ZNF727: variants seen among roughly 807,000 people sequenced by gnomAD.
The protein encoded by ZNF727 is zinc finger protein 727.
ZNF727 carries 11 observed loss-of-function variants against 11.5 expected under a neutral mutation model. The observed-to-expected ratio is 0.95, with a 90% CI of 0.60 to 1.58. The LOEUF is 1.58. ZNF727 is among the 40% of genes most tolerant of loss of function. The pLI, the probability that ZNF727 is intolerant of heterozygous loss-of-function variation, is 0.00. For missense variants in ZNF727, 533 were observed against 581.7 expected, an observed-to-expected ratio of 0.92 and a Z score of 0.86; for synonymous variants, 171 against 196.1, an observed-to-expected ratio of 0.87 and a Z score of 1.07.
At chr7:64,055,423 A>AAAAAAAG (rs1789668352) in intron 1 of ZNF727, among the ~76,000 whole-genome samples, 1 of 151,766 alleles carries the variant, frequency 6.6e-6, no homozygotes, top group African/African-American at 2.4e-5. Flanking sequence ...TCTCAAAAAA[A>AAAAAAAG]AAAAGTGTAC....
At chr7:64,049,895 A>C (rs1340760077) in intron 1 of ZNF727, among the ~76,000 whole-genome samples, 1 of 151,564 alleles carries the variant, frequency 6.6e-6, no homozygotes, top group Non-Finnish European at 1.5e-5. Flanking sequence ...TGTAAGTTTT[A>C]AGCTTTTGTC....
intron 1 of ZNF727, among the ~76,000 whole-genome samples, chr7:64,048,907 G>A (rs1199866713): frequency 1.3e-5 from 2 of 152,102 alleles, no homozygotes; most frequent in Non-Finnish European, 2.9e-5. Flanking sequence ...AAACAGATTG[G>A]TGGCCAAGCC....
chr7:64,060,793 G>T (rs1452671042), intron 1 of ZNF727, among the ~76,000 whole-genome samples: 1 of 150,638 alleles, frequency 6.6e-6, no homozygotes, highest in Non-Finnish European at 1.5e-5. Context: ...TTTATTTGGA[G>T]TTTTTTTTTA....
chr7:64,050,776 ATG>A (rs10609208), intron 1 of ZNF727, among the ~76,000 whole-genome samples: 6,644 of 148,292 alleles, frequency 0.045, 219 homozygotes, highest in African/African-American at 0.092. Flanking sequence ...ATGCATATGT[ATG>A]TGTGTGTGTG....
chr7:64,075,989 G>A, intron 3 of ZNF727, among the ~76,000 whole-genome samples: 1 of 150,718 alleles, frequency 6.6e-6, no homozygotes, highest in South Asian at 2.1e-4. Flanking sequence ...AGTACACTAT[G>A]TTGATTCAAT....
chr7:64,062,685 A>AATATATACATATATATATATATATAT (rs1789790237), intron 1 of ZNF727, among the ~76,000 whole-genome samples: 1 of 89,980 alleles, frequency 1.1e-5, no homozygotes, highest in Non-Finnish European at 2.4e-5. Context: ...CTTGTACTTG[A>AATATATACATATATATATATATATAT]ATATATATAT....
chr7:64,047,521 A>G (rs1223013584), intron 1 of ZNF727, among the ~76,000 whole-genome samples: 2 of 151,972 alleles, frequency 1.3e-5, no homozygotes, highest in Non-Finnish European at 2.9e-5. Context: ...ACTCTCCTGT[A>G]TTTTCCTGGT....
At chr7:64,057,922 G>T (rs866198750) in intron 1 of ZNF727, among the ~76,000 whole-genome samples, 70 of 152,144 alleles carry the variant, frequency 4.6e-4, no homozygotes, top group African/African-American at 1.6e-3. Flanking sequence ...CATATCCATT[G>T]TTGCTGATTT....
In ZNF727 at chr7:64,079,421, C is replaced by T. The variant is rs766150647; in HGVS notation, c.*872C>T. On this transcript the variant is annotated 3_prime_UTR_variant, in exon 4 of 4. Transcript: ENST00000456806. ...CTTTTGTGTTGGATGCATATATAGC[C>T]CTTTACTATTATGTAATGCCATTTT... is the stretch of plus-strand genomic sequence containing the variant. Among the ~76,000 whole-genome samples the T allele has an allele frequency of 6.6e-6, 1 of 151,908 alleles. No homozygotes were observed. Among genetic ancestry groups the T allele is most frequent in the Non-Finnish European group, 1.5e-5 (1 of 67,998 alleles).
At chr7:64,070,216 T>C (rs1450742574) in intron 3 of ZNF727, among the ~76,000 whole-genome samples, 1 of 152,084 alleles carries the variant, frequency 6.6e-6, no homozygotes. Context: ...TTACTTCAAA[T>C]GTTATTCTTT....
In ZNF727 at chr7:64,050,905, G is replaced by A. The variant is rs1438763603; in HGVS notation, c.3+5281G>A. On this transcript the variant is annotated intron_variant, in intron 1 of 3. Transcript: ENST00000456806. The stretch of plus-strand genomic sequence containing the variant: ...TTTTTTAAATTTAGATTTTACCCAC[G>A]TAAATAGAAAACATTTCTTTACTTT... Among the ~76,000 whole-genome samples, 5 of 151,706 alleles carry A rather than the reference G, an allele frequency of 3.3e-5. No homozygotes were observed. In the East Asian group the frequency reaches 7.8e-4, roughly 24 times the overall value.
intron 3 of ZNF727, 80 bp downstream of exon 3, chr7:64,069,689 TC>T: frequency 9.1e-7 from 1 of 1,094,648 alleles, no homozygotes. Context: ...GAAACATGCT[TC>T]CAGAAGCTCT....
At position 64,082,880 on chromosome 7, in the gene ZNF727, CA is replaced by C. The variant is rs112686141; in HGVS notation, c.*4343del. Among the ~76,000 whole-genome samples, 22 of 146,794 alleles carry C rather than the reference CA, an allele frequency of 1.5e-4. No homozygotes were observed. The highest frequency in any genetic ancestry group is 2.2e-4 in the South Asian group (1 of 4,606). On this transcript the variant is annotated 3_prime_UTR_variant, in exon 4 of 4. Transcript: ENST00000456806. ...CTGGTGAGAGAGCGAGACTCCGTCTCAAAAAAAAAAAAGAAAGAATGCAGTC... is the reference window on the plus strand; with the variant it reads ...CTGGTGAGAGAGCGAGACTCCGTCTCAAAAAAAAAAAGAAAGAATGCAGTC...
intron 1 of ZNF727, among the ~76,000 whole-genome samples, chr7:64,052,385 T>C (rs760601601): frequency 2.3e-3 from 339 of 149,208 alleles, no homozygotes; most frequent in African/African-American, 5.3e-3. Flanking sequence ...TCTCTTTTTT[T>C]TTTTTTTTTT....
intron 3 of ZNF727, among the ~76,000 whole-genome samples, chr7:64,077,061 G>A (rs367634136): frequency 6.6e-6 from 1 of 152,192 alleles, no homozygotes; most frequent in Admixed American, 6.5e-5. Context: ...TTTTTCTCAC[G>A]AGGTGCTACA....
chr7:64,057,788 C>T (rs1789709081), intron 1 of ZNF727, among the ~76,000 whole-genome samples: 2 of 151,868 alleles, frequency 1.3e-5, no homozygotes, highest in South Asian at 4.2e-4. Context: ...ATAGTAAACA[C>T]ATACCCACAA....
chr7:64,061,520 A>G (rs1789769948), intron 1 of ZNF727, among the ~76,000 whole-genome samples: 1 of 150,512 alleles, frequency 6.6e-6, no homozygotes. Context: ...TTCCATTTGC[A>G]TGGAGTATCT....
At chr7:64,051,185 G>A (rs1410884581) in intron 1 of ZNF727, among the ~76,000 whole-genome samples, 1 of 152,040 alleles carries the variant, frequency 6.6e-6, no homozygotes, top group Admixed American at 6.6e-5. Flanking sequence ...AACATAAACT[G>A]AAATTTTAAG....
intron 3 of ZNF727, among the ~76,000 whole-genome samples, chr7:64,072,715 G>A (rs1789981464): frequency 6.6e-6 from 1 of 152,010 alleles, no homozygotes; most frequent in African/African-American, 2.4e-5. Flanking sequence ...ATTTTAAGTG[G>A]GTCAAAATAG....
Sources: gnomAD v4.1 joint callset for allele counts (sites outside exome capture counted in the v4.1 genomes callset) on GRCh38, gnomAD v4.1.1 for gene constraint, MANE v1.5 for transcripts, NCBI Gene and HGNC (gene_info 2026-07-23, HGNC 2026-07-21) for gene names.